PDLIM5: variants seen among roughly 807,000 people sequenced by gnomAD.
The protein encoded by PDLIM5 is PDZ and LIM domain 5.
PDLIM5 carries 34 observed loss-of-function variants against 64.2 expected under a neutral mutation model. That is an observed-to-expected ratio of 0.53 (90% CI 0.40 to 0.71). The LOEUF is 0.71. Among genes scored for constraint, PDLIM5 ranks in the 30% least tolerant of loss-of-function variants. The pLI is 0.00. For missense variants in PDLIM5, 683 were observed against 733.6 expected, an observed-to-expected ratio of 0.93 and a Z score of 0.80; for synonymous variants, 253 against 269.1, an observed-to-expected ratio of 0.94 and a Z score of 0.59.
chr4:94,572,732 G>T (rs1734914406), intron 3 of PDLIM5, among the ~76,000 whole-genome samples: 1 of 152,130 alleles, frequency 6.6e-6, no homozygotes, highest in African/African-American at 2.4e-5. Context: ...CACAGATGGG[G>T]CATGGTCATT....
At position 94,523,868 on chromosome 4, in the gene PDLIM5, C is replaced by T. The variant is rs2110135091; in HGVS notation, c.241C>T (p.Leu81=). ...KGCTGSLNMT[L]QRASAAPKPE... is the part of the protein sequence containing the mutation. ...TTGTACAGGCTCTTTGAATATGACT[C>T]TGCAAAGGTAAGTTGCTTTTTGTTT... is the stretch of plus-strand genomic sequence containing the variant. Residue 81 remains leucine, a synonymous_variant, in exon 3 of 13, where the codon CTG becomes TTG. Coordinates refer to ENST00000317968, the MANE Select transcript of PDLIM5 (RefSeq NM_006457.5). 6.2e-7 allele frequency: 1 copy of T among 1,610,330 alleles called. No homozygotes were observed. Among genetic ancestry groups the T allele is most frequent in the Admixed American group, 1.7e-5 (1 of 59,570 alleles).
chr4:94,625,080 G>A (rs1275373612), intron 8 of PDLIM5, among the ~76,000 whole-genome samples: 5 of 152,190 alleles, frequency 3.3e-5, no homozygotes, highest in African/African-American at 1.2e-4. Context: ...AATTCCCTGG[G>A]CAGGGTGACT....
chr4:94,455,540 G>A lies in PDLIM5; in HGVS notation c.96+156G>A, dbSNP rs190136084. The A allele has an allele frequency of 1.1e-4, 71 of 655,914 alleles. No individual in the cohort carries two copies. In the East Asian group the frequency reaches 1.8e-3, roughly 17 times the overall value. The allele number at this position is 655,914 out of a possible 1,614,324, so 40.6% of individuals were successfully genotyped here. A position where few individuals can be genotyped will look rare whatever the true frequency, so the allele number is the denominator to read the frequency against. On this transcript the variant is annotated intron_variant, in intron 2 of 12. Coordinates refer to ENST00000317968, the MANE Select transcript of PDLIM5 (RefSeq NM_006457.5). ...TGATTATCTATAATAAAGGATGAGG[G>A]GAGTAGATTTAGCAAGGATAACTGA...
intron 9 of PDLIM5, among the ~76,000 whole-genome samples, chr4:94,643,771 T>G (rs1741187893): frequency 6.6e-6 from 1 of 152,192 alleles, no homozygotes; most frequent in African/African-American, 2.4e-5. Flanking sequence ...ATTTTAACAT[T>G]ATTGATTTGT....
At chr4:94,516,419 G>A (rs1210139506) in intron 2 of PDLIM5, among the ~76,000 whole-genome samples, 4 of 152,064 alleles carry the variant, frequency 2.6e-5, no homozygotes, top group South Asian at 2.1e-4. Flanking sequence ...GAGAGACATC[G>A]GTGATTGCTT....
In PDLIM5 at chr4:94,618,078, G is replaced by A. The variant is rs1381845672; in HGVS notation, c.995G>A (p.Ser332Asn). The change falls in exon 8 of 13, where the codon AGC (serine) becomes AAC (asparagine). Residue 332 changes from serine to asparagine, a missense_variant. By Grantham distance (46) the Ser-to-Asn change is conservative. Transcript: ENST00000317968. ...CGGAGCATGCCCGAGAGCCTGGACAGCCCAACCTCTGGCAGACCAGGGGTT... is the reference window on the plus strand; with the variant it reads ...CGGAGCATGCCCGAGAGCCTGGACAACCCAACCTCTGGCAGACCAGGGGTT... ...STRSMPESLD[S>N]PTSGRPGVTS... The A allele has an allele frequency of 6.2e-7, 1 of 1,612,220 alleles. No individual in the cohort carries two copies. The highest frequency in any genetic ancestry group is 1.7e-5 in the Admixed American group (1 of 59,796).
intron 7 of PDLIM5, among the ~76,000 whole-genome samples, chr4:94,590,662 C>T (rs902052100): frequency 6.6e-6 from 1 of 152,000 alleles, no homozygotes; most frequent in African/African-American, 2.4e-5. Flanking sequence ...AGGAGTCAGC[C>T]GTGTGATGAC....
chr4:94,518,957 TG>T (rs1461212958), intron 2 of PDLIM5, among the ~76,000 whole-genome samples: 1 of 152,176 alleles, frequency 6.6e-6, no homozygotes, highest in African/African-American at 2.4e-5. Flanking sequence ...ATCGCTTTAT[TG>T]CTTCTTATCC....
intron 3 of PDLIM5, among the ~76,000 whole-genome samples, chr4:94,538,349 A>C (rs1158938214): frequency 6.6e-6 from 1 of 152,240 alleles, no homozygotes; most frequent in African/African-American, 2.4e-5. Flanking sequence ...AACTCCAGCT[A>C]TTAACCAGCA....
At chr4:94,638,814 G>T (rs1397974230) in intron 8 of PDLIM5, among the ~76,000 whole-genome samples, 1 of 152,064 alleles carries the variant, frequency 6.6e-6, no homozygotes, top group Non-Finnish European at 1.5e-5. Flanking sequence ...CTTTTGTATT[G>T]ATTCCAGTTT....
intron 2 of PDLIM5, among the ~76,000 whole-genome samples, chr4:94,486,195 AT>A (rs959787996): frequency 2.0e-4 from 30 of 151,416 alleles, no homozygotes; most frequent in Middle Eastern, 3.4e-3. Flanking sequence ...TAGTGTACAC[AT>A]TTTTTTTTGT....
chr4:94,539,797 G>GGT (rs770745998), intron 3 of PDLIM5, among the ~76,000 whole-genome samples: 3 of 152,120 alleles, frequency 2.0e-5, no homozygotes, highest in Non-Finnish European at 1.5e-5. Context: ...CTTAAGCAAA[G>GGT]GTGCACTCAG....
At chr4:94,491,791 T>C (rs1261983243) in intron 2 of PDLIM5, among the ~76,000 whole-genome samples, 1 of 152,136 alleles carries the variant, frequency 6.6e-6, no homozygotes, top group Non-Finnish European at 1.5e-5. Flanking sequence ...CATATCTTAA[T>C]TCTATACTTA....
intron 3 of PDLIM5, among the ~76,000 whole-genome samples, chr4:94,547,245 C>T (rs1560693628): frequency 6.6e-6 from 1 of 152,126 alleles, no homozygotes; most frequent in Non-Finnish European, 1.5e-5. Context: ...TTGGAGGTTA[C>T]AGGTCTGAAA....
At chr4:94,626,188 G>A (rs571604534) in intron 8 of PDLIM5, among the ~76,000 whole-genome samples, 70 of 152,152 alleles carry the variant, frequency 4.6e-4, no homozygotes, top group Middle Eastern at 3.4e-3. Flanking sequence ...TTGAGGATTG[G>A]GAACTCATGA....
intron 9 of PDLIM5, among the ~76,000 whole-genome samples, chr4:94,647,432 T>C (rs1741504565): frequency 1.3e-5 from 2 of 151,996 alleles, no homozygotes; most frequent in African/African-American, 4.8e-5. Flanking sequence ...GATAAAAAGC[T>C]CAATCCATTA....
chr4:94,564,425 C>T (rs181020023), intron 3 of PDLIM5, among the ~76,000 whole-genome samples: 16 of 152,274 alleles, frequency 1.1e-4, no homozygotes, highest in Admixed American at 4.6e-4. Context: ...ATTCCTGCCT[C>T]AGGACTTTGC....
intron 2 of PDLIM5, chr4:94,456,552 C>T: frequency 1.4e-6 from 1 of 719,166 alleles, no homozygotes; most frequent in Non-Finnish European, 2.5e-6. Context: ...AGATCATTCT[C>T]TATTAATATA....
intron 8 of PDLIM5, among the ~76,000 whole-genome samples, chr4:94,626,018 C>T (rs1560749895): frequency 6.6e-6 from 1 of 152,108 alleles, no homozygotes; most frequent in Non-Finnish European, 1.5e-5. Context: ...TACAAGTAAG[C>T]TATACATATA....
Sources: allele counts gnomAD v4.1 joint callset (sites outside exome capture counted in the v4.1 genomes callset), GRCh38; gene constraint gnomAD v4.1.1; transcripts MANE v1.5; gene names NCBI Gene and HGNC (gene_info 2026-07-23, HGNC 2026-07-21).